TRPV5: variants seen among roughly 807,000 people sequenced by gnomAD.
The protein encoded by TRPV5 is transient receptor potential cation channel subfamily V member 5.
A neutral mutation model predicts 74.1 loss-of-function variants in TRPV5; 66 were observed. That is an observed-to-expected ratio of 0.89 (90% confidence interval 0.73 to 1.09). TRPV5 has a LOEUF of 1.09. Among genes scored for constraint, TRPV5 ranks in the 50% least tolerant of loss-of-function variants. The probability of loss-of-function intolerance (pLI) is 0.00; values close to 1 mark genes in which losing one functional copy is unlikely to be tolerated. For synonymous variants in TRPV5, 399 were observed against 360.7 expected (o/e 1.11, Z -1.20); for missense variants, 936 against 930.4 (o/e 1.01, Z -0.08).
chr7:142,932,627 A>C (rs1042033857), intron 1 of TRPV5, among the ~76,000 whole-genome samples: 4 of 152,102 alleles, frequency 2.6e-5, no homozygotes, highest in African/African-American at 7.2e-5. Context: ...GAAGCAGCCC[A>C]CAGGATTCGT....
chr7:142,912,815 G>A lies in TRPV5; in HGVS notation c.1520-65C>T, dbSNP rs550694196. The A allele has an allele frequency of 2.0e-6, 3 of 1,537,048 alleles. No homozygotes were observed. In the South Asian group the frequency reaches 3.6e-5, roughly 19 times the overall value. On this transcript the variant is annotated intron_variant, in intron 12 of 14. Coordinates refer to ENST00000265310, the MANE Select transcript of TRPV5 (RefSeq NM_019841.7). ...GAGTTATCACAATAAGCATGGACAT[G>A]GTTAGCACTTATTCTATCTCTGATC...
intron 5 of TRPV5, 41 bp downstream of exon 5, chr7:142,928,981 C>T: frequency 6.2e-7 from 1 of 1,613,300 alleles, no homozygotes; most frequent in Non-Finnish European, 8.5e-7. Context: ...GTCCCTCGCT[C>T]CCCACAGCAT....
rs6953113 is a variant in TRPV5, at chr7:142,924,275, T to C, written c.1122+1254A>G. ...ACATGTATATATATACATATATATATATATACATATACATGTATATATATA... is the reference window on the plus strand; with the variant it reads ...ACATGTATATATATACATATATATACATATACATATACATGTATATATATA... On this transcript the variant is annotated intron_variant, in intron 8 of 14. Coordinates refer to ENST00000265310, the MANE Select transcript of TRPV5 (RefSeq NM_019841.7). 3.6e-4 allele frequency among the ~76,000 whole-genome samples: 44 copies of C among 121,382 alleles called. 1 individual carries two copies. The highest frequency in any genetic ancestry group is 1.5e-3 in the African/African-American group (43 of 29,384). The allele number at this position is 121,382 out of a possible 152,430, so 79.6% of individuals were successfully genotyped here.
At chr7:142,919,908 T>G (rs1795857414) in intron 8 of TRPV5, among the ~76,000 whole-genome samples, 1 of 152,100 alleles carries the variant, frequency 6.6e-6, no homozygotes, top group African/African-American at 2.4e-5. Flanking sequence ...CTCTAGACCT[T>G]TTTCCCCCCC....
At chr7:142,925,227 T>TA (rs1795962218) in intron 8 of TRPV5, 1 of 567,882 alleles carries the variant, frequency 1.8e-6, no homozygotes, top group Admixed American at 3.1e-5. Context: ...AACATCCCAC[T>TA]AAAAAACCCT....
chr7:142,925,861 T>C (rs912431357), intron 7 of TRPV5, 120 bp from the exon 8 acceptor site: 16 of 831,522 alleles, frequency 1.9e-5, no homozygotes, highest in African/African-American at 3.4e-5. Flanking sequence ...AGTCACTTAT[T>C]TGACGGACAA....
intron 12 of TRPV5, among the ~76,000 whole-genome samples, chr7:142,913,474 A>G (rs1795742826): frequency 6.6e-6 from 1 of 152,208 alleles, no homozygotes; most frequent in South Asian, 2.1e-4. Context: ...GAACATTTAG[A>G]GAGTTCTGGA....
At chr7:142,919,141 T>C (rs1392960939) in intron 8 of TRPV5, among the ~76,000 whole-genome samples, 1 of 152,164 alleles carries the variant, frequency 6.6e-6, no homozygotes, top group African/African-American at 2.4e-5. Flanking sequence ...TTCCTGCCCC[T>C]CCATGCCCAG....
Position 142,929,500 on chromosome 7 carries a change from G to T in TRPV5, c.415C>A (p.Arg139Ser). The T allele has an allele frequency of 1.2e-6, 2 of 1,614,118 alleles. No homozygotes were observed. Among genetic ancestry groups the T allele is most frequent in the Non-Finnish European group, 1.7e-6 (2 of 1,180,008 alleles). The change falls in exon 4 of 15, where the codon CGC becomes AGC. Residue 139 changes from arginine (R) to serine (S), a missense_variant. Coordinates refer to ENST00000265310, the MANE Select transcript of TRPV5 (RefSeq NM_019841.7). Reference sequence around the variant, plus strand: ...GCTCTGGCAGAGACACTGGCCCTGCGGGTGAGCAGGGCACGCACCAGGTTC... The same window carrying T: ...GCTCTGGCAGAGACACTGGCCCTGCTGGTGAGCAGGGCACGCACCAGGTTC... Reference protein sequence around the residue: ...NVNLVRALLTRRASVSARATG... With the variant: ...NVNLVRALLTSRASVSARATG...
At chr7:142,910,450 G>A (rs557019310) in intron 13 of TRPV5, among the ~76,000 whole-genome samples, 14 of 152,246 alleles carry the variant, frequency 9.2e-5, no homozygotes, top group East Asian at 1.9e-4. Flanking sequence ...GCATAGTCCC[G>A]CTTTGTACCG....
chr7:142,908,839 C>A, intron 14 of TRPV5, 31 bp from the exon 15 acceptor site: 1 of 1,593,532 alleles, frequency 6.3e-7, no homozygotes, highest in Non-Finnish European at 8.6e-7. Flanking sequence ...AGGACTCAAT[C>A]CAGGTGGGGA....
In TRPV5 at chr7:142,929,963, C is replaced by G; in HGVS notation, c.349+95G>C. 6.3e-6 allele frequency: 10 copies of G among 1,585,806 alleles called. No homozygotes were observed. In the South Asian group the frequency reaches 6.7e-5, roughly 11 times the overall value. ...CCATCCTCCTGACCCTCCATCACCC[C>G]ACCCCAACCCATCCTTCAGAGGCCA... On this transcript the variant is annotated intron_variant, in intron 3 of 14. Transcript: ENST00000265310.
At chr7:142,919,169 G>A (rs1029513651) in intron 8 of TRPV5, among the ~76,000 whole-genome samples, 1 of 152,130 alleles carries the variant, frequency 6.6e-6, no homozygotes, top group Non-Finnish European at 1.5e-5. Flanking sequence ...GTCTCTCCTG[G>A]GACATGTGGG....
Position 142,930,448 on chromosome 7 carries a change from T to C in TRPV5, c.129-2A>G, listed in dbSNP as rs1362248795. On this transcript the variant is annotated splice_acceptor_variant, in intron 1 of 14. Transcript: ENST00000265310. LOFTEE classifies it high-confidence loss of function. ...CGAAGCAGTGGAGACTCTAGAATCC[T>C]GGGGAAAGGTGAACGTGAGTTTGGA... 1.2e-5 allele frequency: 19 copies of C among 1,611,468 alleles called. No homozygotes were observed. The highest frequency in any genetic ancestry group is 1.6e-5 in the Non-Finnish European group (19 of 1,177,722).
At position 142,915,482 on chromosome 7, in the gene TRPV5, C is replaced by G; in HGVS notation, c.1209G>C (p.Glu403Asp). The change falls in exon 9 of 15, where the codon GAG becomes GAC. Residue 403 changes from glutamate to aspartate, a missense_variant and splice_region_variant. Coordinates refer to ENST00000265310, the MANE Select transcript of TRPV5 (RefSeq NM_019841.7). The stretch of plus-strand genomic sequence containing the variant: ...AGCCTGGACCCCGCCTGCCCCTCAC[C>G]TCTAGGAGCAGGATGATCACAGCCC... ...IVGAVIILLLEIPDIFRVGAS... is the reference protein window; with the variant it reads ...IVGAVIILLLDIPDIFRVGAS... 1 of 1,614,078 alleles carries G rather than the reference C, an allele frequency of 6.2e-7. No homozygotes were observed. The highest frequency in any genetic ancestry group is 2.2e-5 in the East Asian group (1 of 44,874).
intron 7 of TRPV5, among the ~76,000 whole-genome samples, chr7:142,927,098 CCT>C (rs1252229330): frequency 7.9e-5 from 12 of 152,088 alleles, no homozygotes; most frequent in Admixed American, 3.9e-4. Flanking sequence ...TACGTTGCTC[CCT>C]CTCTAAAAAG....
At chr7:142,930,320 A>T (rs753521863) in intron 2 of TRPV5, 29 bp downstream of exon 2, 2 of 1,609,950 alleles carry the variant, frequency 1.2e-6, no homozygotes, top group South Asian at 2.2e-5. Context: ...TTCTGCCCCC[A>T]CCTCCATCCC....
At chr7:142,932,948 G>C (rs1314881827) in intron 1 of TRPV5, among the ~76,000 whole-genome samples, 1 of 152,144 alleles carries the variant, frequency 6.6e-6, no homozygotes, top group African/African-American at 2.4e-5. Flanking sequence ...AATGAATGGC[G>C]TTTCCTTATC....
chr7:142,927,580 GGAGCAGGAGGAAGAGA>G (rs72446748), intron 7 of TRPV5, among the ~76,000 whole-genome samples: 6,633 of 152,190 alleles, frequency 0.044, 229 homozygotes, highest in Non-Finnish European at 0.065. Flanking sequence ...CTACATGGCC[GGAGCAGGAGGAAGAGA>G]GAGCAGGAGG....
Sources: gnomAD v4.1 joint callset for allele counts (sites outside exome capture counted in the v4.1 genomes callset) on GRCh38, gnomAD v4.1.1 for gene constraint, MANE v1.5 for transcripts, NCBI Gene and HGNC (gene_info 2026-07-23, HGNC 2026-07-21) for gene names.